The following PACRG variants were observed in gnomAD, a reference collection of about 807,000 sequenced individuals.
PACRG encodes the protein parkin coregulated.
PACRG carries 29 observed loss-of-function variants against 29.7 expected under a neutral mutation model. That is an observed-to-expected ratio of 0.98 (90% CI 0.73 to 1.33). The LOEUF is 1.33. Ranked by LOEUF, PACRG falls within the 40% of genes most tolerant of loss-of-function variation. The pLI, the probability that PACRG is intolerant of heterozygous loss-of-function variation, is 0.00. For missense variants in PACRG, 279 were observed against 316.2 expected (o/e 0.88, Z 0.89); for synonymous variants, 116 against 118.7 (o/e 0.98, Z 0.15).
chr6:163,168,566 A>ACAACAACAT (rs1284437079), intron 4 of PACRG, among the ~76,000 whole-genome samples: 9 of 151,718 alleles, frequency 5.9e-5, no homozygotes, highest in Non-Finnish European at 1.0e-4. Flanking sequence ...TAAAACAACA[A>ACAACAACAT]CAAGAACTCT....
At chr6:163,021,016 C>T (rs762457484) in intron 2 of PACRG, among the ~76,000 whole-genome samples, 6 of 152,170 alleles carry the variant, frequency 3.9e-5, no homozygotes, top group Non-Finnish European at 5.9e-5. Context: ...GAGGCTGTGT[C>T]CCTGTGCCTG....
intron 4 of PACRG, among the ~76,000 whole-genome samples, chr6:163,233,120 C>A (rs116434236): frequency 1.3e-5 from 2 of 152,210 alleles, no homozygotes; most frequent in Non-Finnish European, 2.9e-5. Context: ...GAATTTGTCC[C>A]CCAAGAAGTA....
At chr6:163,107,084 G>A (rs1429480934) in intron 4 of PACRG, among the ~76,000 whole-genome samples, 1 of 152,100 alleles carries the variant, frequency 6.6e-6, no homozygotes, top group African/African-American at 2.4e-5. Context: ...ATGAGAAAGA[G>A]AAACAGAGAG....
intron 2 of PACRG, among the ~76,000 whole-genome samples, chr6:162,900,473 C>T (rs1281323511): frequency 6.6e-6 from 1 of 152,216 alleles, no homozygotes; most frequent in Non-Finnish European, 1.5e-5. Context: ...ATGGATACTT[C>T]AGATAGTCTC....
At chr6:162,815,072 C>T (rs1344123521) in intron 2 of PACRG, among the ~76,000 whole-genome samples, 1 of 152,128 alleles carries the variant, frequency 6.6e-6, no homozygotes, top group Non-Finnish European at 1.5e-5. Flanking sequence ...TTATCAAAGA[C>T]TTTGCTTTTG....
intron 2 of PACRG, among the ~76,000 whole-genome samples, chr6:162,880,123 A>C (rs1294769723): frequency 2.0e-5 from 3 of 152,256 alleles, no homozygotes; most frequent in Non-Finnish European, 4.4e-5. Context: ...TTCAGCCAGC[A>C]GGCCTGTACT....
chr6:162,896,355 A>C (rs1439846150), intron 2 of PACRG, among the ~76,000 whole-genome samples: 1 of 152,194 alleles, frequency 6.6e-6, no homozygotes, highest in African/African-American at 2.4e-5. Flanking sequence ...TTAGAATGAC[A>C]CATTTTGTGG....
intron 2 of PACRG, among the ~76,000 whole-genome samples, chr6:162,860,905 G>C (rs1791803270): frequency 6.6e-6 from 1 of 152,182 alleles, no homozygotes; most frequent in Non-Finnish European, 1.5e-5. Flanking sequence ...TTGCTTGAGA[G>C]AATGAGTAAA....
At chr6:163,176,938 G>A (rs990137611) in intron 4 of PACRG, among the ~76,000 whole-genome samples, 2 of 152,178 alleles carry the variant, frequency 1.3e-5, no homozygotes, top group African/African-American at 4.8e-5. Flanking sequence ...CTGACAAATA[G>A]GCAAGTGACA....
chr6:163,141,886 T>C (rs1362700742), intron 4 of PACRG, among the ~76,000 whole-genome samples: 2 of 152,172 alleles, frequency 1.3e-5, no homozygotes, highest in Non-Finnish European at 2.9e-5. Flanking sequence ...AGGATATGGA[T>C]GATTTTTTAG....
chr6:163,131,684 G>A (rs1400252692), intron 4 of PACRG, among the ~76,000 whole-genome samples: 1 of 152,144 alleles, frequency 6.6e-6, no homozygotes, highest in Non-Finnish European at 1.5e-5. Flanking sequence ...AGAGCCCTCA[G>A]CTGTGAATCG....
At chr6:163,021,246 C>T (rs1299374707) in intron 2 of PACRG, among the ~76,000 whole-genome samples, 1 of 152,238 alleles carries the variant, frequency 6.6e-6, no homozygotes, top group Non-Finnish European at 1.5e-5. Flanking sequence ...TCGCAGCTCC[C>T]ACTCTGCCTG....
chr6:163,220,029 T>C lies in PACRG; in HGVS notation c.614-94798T>C, dbSNP rs114069215. 6.4e-3 allele frequency among the ~76,000 whole-genome samples: 978 copies of C among 152,274 alleles called. 6 individuals are homozygous for C. Among genetic ancestry groups the C allele is most frequent in the African/African-American group, 0.022 (899 of 41,548 alleles). ...TTTGAAACCAAGTCATCATCTACTA[T>C]TTAATATCAATGCATTAGCTCTCTT... On this transcript the variant is annotated intron_variant, in intron 4 of 4. Transcript: ENST00000366888.
At chr6:163,129,380 C>A (rs1367421312) in intron 4 of PACRG, among the ~76,000 whole-genome samples, 1 of 152,200 alleles carries the variant, frequency 6.6e-6, no homozygotes, top group Non-Finnish European at 1.5e-5. Flanking sequence ...TGTACAGTAC[C>A]TGAGTACCTG....
At chr6:163,230,539 T>A (rs1221094204) in intron 4 of PACRG, among the ~76,000 whole-genome samples, 1 of 152,194 alleles carries the variant, frequency 6.6e-6, no homozygotes, top group Non-Finnish European at 1.5e-5. Context: ...AGTTTCGACT[T>A]TTGAATAGAC....
intron 1 of PACRG, among the ~76,000 whole-genome samples, chr6:162,764,758 T>C (rs1184510756): frequency 6.6e-6 from 1 of 151,950 alleles, no homozygotes; most frequent in Admixed American, 6.6e-5. Context: ...TTTTTTTTTT[T>C]TTTGAGACAG....
rs1167056139 is a variant in PACRG, at chr6:163,284,809, C to T, written c.614-30018C>T. On this transcript the variant is annotated intron_variant, in intron 4 of 4. Coordinates refer to ENST00000366888, the MANE Select transcript of PACRG (RefSeq NM_001080379.2). ...CAAGCCTTTGTCCTCCCCTGTTGCCCCTGCTAAAGCTGTTGCCATCTATCC... is the reference window on the plus strand; with the variant it reads ...CAAGCCTTTGTCCTCCCCTGTTGCCTCTGCTAAAGCTGTTGCCATCTATCC... Among the ~76,000 whole-genome samples the T allele has an allele frequency of 2.6e-5, 4 of 152,128 alleles. 1 individual carries two copies. The South Asian group carries it at 6.2e-4, about 24-fold the overall frequency.
chr6:163,245,697 G>A (rs183434186), intron 4 of PACRG, among the ~76,000 whole-genome samples: 43 of 152,192 alleles, frequency 2.8e-4, no homozygotes, highest in African/African-American at 9.9e-4. Context: ...CACACTCTGA[G>A]CTTCTAACTC....
chr6:163,069,248 T>C (rs1811823834), intron 3 of PACRG, among the ~76,000 whole-genome samples: 1 of 139,294 alleles, frequency 7.2e-6, no homozygotes, highest in South Asian at 2.2e-4. Flanking sequence ...TGCCCAGACG[T>C]CAAGCATCAA....
Sources: gnomAD v4.1 joint callset for allele counts (sites outside exome capture counted in the v4.1 genomes callset) on GRCh38, gnomAD v4.1.1 for gene constraint, MANE v1.5 for transcripts, NCBI Gene and HGNC (gene_info 2026-07-23, HGNC 2026-07-21) for gene names.